RSPO4: variants seen among roughly 807,000 people sequenced by gnomAD.
The protein encoded by RSPO4 is R-spondin 4.
Under a neutral mutation model 24.8 loss-of-function variants are expected in RSPO4, and 23 were observed. That is an observed-to-expected ratio of 0.93 (90% confidence interval 0.67 to 1.31). The LOEUF (loss-of-function observed/expected upper bound fraction) is 1.31. Among genes scored for constraint, RSPO4 ranks in the 40% most tolerant of loss-of-function variants. RSPO4 has a pLI of 0.00. For synonymous variants in RSPO4, 141 were observed against 127.4 expected (o/e 1.11, Z -0.72); for missense variants, 333 against 316.5 (o/e 1.05, Z -0.39).
chr20:1,001,954 C>T, intron 1 of RSPO4, 132 bp downstream of exon 1: 1 of 710,526 alleles, frequency 1.4e-6, no homozygotes, highest in South Asian at 1.6e-5. Context: ...GGTTGAGACT[C>T]GTCTGGAGGA....
chr20:976,379 G>T (rs1016877473), intron 1 of RSPO4, among the ~76,000 whole-genome samples: 5 of 152,270 alleles, frequency 3.3e-5, no homozygotes, highest in African/African-American at 1.2e-4. Flanking sequence ...AAGTGCTCAG[G>T]GCAGAGATAC....
At chr20:991,745 C>A (rs1377575511) in intron 1 of RSPO4, among the ~76,000 whole-genome samples, 1 of 151,148 alleles carries the variant, frequency 6.6e-6, no homozygotes, top group African/African-American at 2.4e-5. Context: ...AATTTAAATA[C>A]ATTAAAATTA....
At chr20:982,535 C>T (rs1984772130) in intron 1 of RSPO4, among the ~76,000 whole-genome samples, 1 of 152,174 alleles carries the variant, frequency 6.6e-6, no homozygotes, top group African/African-American at 2.4e-5. Context: ...GGCTGCTGCT[C>T]CTGTAATAAC....
intron 1 of RSPO4, among the ~76,000 whole-genome samples, chr20:971,702 A>C (rs375414775): frequency 2.2e-4 from 33 of 152,244 alleles, no homozygotes; most frequent in African/African-American, 8.0e-4. Context: ...GTAAATATGC[A>C]TTCAGAGCAG....
At chr20:996,824 G>A (rs1985306334) in intron 1 of RSPO4, among the ~76,000 whole-genome samples, 1 of 150,692 alleles carries the variant, frequency 6.6e-6, no homozygotes, top group African/African-American at 2.5e-5. Context: ...ACTTCCTTCG[G>A]CCACGCAGTC....
chr20:960,423 T>G lies in RSPO4; in HGVS notation c.639A>C (p.Pro213=). ...GQKKGRKDRR[P]RKDRKLDRRL... ...TGCGGTCCAGCTTCCTGTCCTTGCG[T>G]GGGCGCCGGTCCTTCCTGCCCTTCT... The change falls in exon 5 of 5, where the codon CCA becomes CCC. Residue 213 remains proline (P), a synonymous_variant. Coordinates refer to ENST00000217260, the MANE Select transcript of RSPO4 (RefSeq NM_001029871.4). The G allele has an allele frequency of 6.5e-7, 1 of 1,539,714 alleles. No homozygotes were observed. The highest frequency in any genetic ancestry group is 8.7e-7 in the Non-Finnish European group (1 of 1,147,454).
In RSPO4 at chr20:970,441, C is replaced by G. The variant is rs1984372063; in HGVS notation, c.80-2303G>C. Among the ~76,000 whole-genome samples the G allele has an allele frequency of 6.6e-6, 1 of 152,108 alleles. No individual in the cohort carries two copies. Among genetic ancestry groups the G allele is most frequent in the Non-Finnish European group, 1.5e-5 (1 of 68,026 alleles). On this transcript the variant is annotated intron_variant, in intron 1 of 4. Transcript: ENST00000217260. The surrounding 1 kb of genome is among the most constrained non-coding windows in gnomAD (Gnocchi z 4.1). Reference sequence around the variant, plus strand: ...TGATCCAGGGTCGTACGGAAGCACACAGTAACTAAAGTGTACCCTGGGATG... The same window carrying G: ...TGATCCAGGGTCGTACGGAAGCACAGAGTAACTAAAGTGTACCCTGGGATG...
At position 961,209 on chromosome 20, in the gene RSPO4, A is replaced by C. The variant is rs1045499020; in HGVS notation, c.596-743T>G. Reference sequence around the variant, plus strand: ...TGTTATGGACAGGTGAGAAGACCACAGCATGGTTGGGAGCAAGGCCAGCCC... The same window carrying C: ...TGTTATGGACAGGTGAGAAGACCACCGCATGGTTGGGAGCAAGGCCAGCCC... On this transcript the variant is annotated intron_variant, in intron 4 of 4. Coordinates refer to ENST00000217260, the MANE Select transcript of RSPO4 (RefSeq NM_001029871.4). 8.5e-5 allele frequency among the ~76,000 whole-genome samples: 13 copies of C among 152,192 alleles called. 1 individual carries two copies. The highest frequency in any genetic ancestry group is 6.5e-4 in the Admixed American group (10 of 15,286).
At chr20:986,515 A>G (rs751261571) in intron 1 of RSPO4, among the ~76,000 whole-genome samples, 2 of 152,094 alleles carry the variant, frequency 1.3e-5, no homozygotes, top group African/African-American at 2.4e-5. Context: ...ATGGGAAAGG[A>G]GAGCTTCAAA....
intron 1 of RSPO4, among the ~76,000 whole-genome samples, chr20:985,364 C>T (rs1484858113): frequency 6.6e-6 from 1 of 152,172 alleles, no homozygotes; most frequent in Non-Finnish European, 1.5e-5. Context: ...ATCCATTCAG[C>T]AGATATTTCT....
intron 1 of RSPO4, among the ~76,000 whole-genome samples, chr20:992,345 G>C (rs1032628590): frequency 5.5e-5 from 8 of 146,042 alleles, no homozygotes; most frequent in Non-Finnish European, 1.0e-4. Context: ...GGAGTGAACA[G>C]AGACTCAGAG....
chr20:965,078 T>C (rs1201593857), intron 3 of RSPO4, among the ~76,000 whole-genome samples: 1 of 152,084 alleles, frequency 6.6e-6, no homozygotes, highest in African/African-American at 2.4e-5. Context: ...TGCCAGGTGC[T>C]ATTCTGGGTG....
At chr20:998,648 A>G (rs910345848) in intron 1 of RSPO4, among the ~76,000 whole-genome samples, 3 of 152,124 alleles carry the variant, frequency 2.0e-5, no homozygotes, top group Non-Finnish European at 2.9e-5. Flanking sequence ...CTAAGGCCAA[A>G]GACTCAGGCA....
chr20:979,371 T>C (rs1200485884), intron 1 of RSPO4, among the ~76,000 whole-genome samples: 9 of 152,156 alleles, frequency 5.9e-5, no homozygotes. Flanking sequence ...CAAGAGTGAT[T>C]CCTTCTTAGA....
intron 1 of RSPO4, among the ~76,000 whole-genome samples, chr20:982,130 G>C (rs576598208): frequency 1.3e-3 from 202 of 152,298 alleles, no homozygotes; most frequent in African/African-American, 4.8e-3. Flanking sequence ...GCTGGGGGTA[G>C]AGCAGCCAGA....
chr20:974,837 C>T (rs978382013), intron 1 of RSPO4, among the ~76,000 whole-genome samples: 6 of 152,118 alleles, frequency 3.9e-5, no homozygotes, highest in Non-Finnish European at 8.8e-5. Flanking sequence ...GTGGATCCAC[C>T]CTGGGGATCC....
Position 960,010 on chromosome 20 carries a change from G to A in RSPO4, c.*347C>T, listed in dbSNP as rs942864392. On this transcript the variant is annotated 3_prime_UTR_variant, in exon 5 of 5. Transcript: ENST00000217260. The stretch of plus-strand genomic sequence containing the variant: ...ACAGGCTCATGGTCCCTCTTAAAGT[G>A]TGTGTGAGAGGGAGACAAGAGGAGG... 4.0e-5 allele frequency: 15 copies of A among 377,292 alleles called. No homozygotes were observed. Among genetic ancestry groups the A allele is most frequent in the Non-Finnish European group, 1.5e-5 (3 of 203,110 alleles). The allele number at this position is 377,292 out of a possible 1,614,324, so 23.4% of individuals were successfully genotyped here.
chr20:984,161 C>A (rs1413530019), intron 1 of RSPO4, among the ~76,000 whole-genome samples: 3 of 151,960 alleles, frequency 2.0e-5, no homozygotes, highest in African/African-American at 4.8e-5. Context: ...GACGGTGAAA[C>A]CCCGTCTCTA....
Position 1,002,070 on chromosome 20 carries a change from CA to C in RSPO4, c.79+15del, listed in dbSNP as rs773757756. Reference sequence around the variant, plus strand: ...GCAGCGCCTGCCCGGCCGCCCTGCCCAGCCACCCCTTGTACCTTGCTTCTTC... The same window carrying C: ...GCAGCGCCTGCCCGGCCGCCCTGCCCGCCACCCCTTGTACCTTGCTTCTTC... On this transcript the variant is annotated intron_variant, in intron 1 of 4. Transcript: ENST00000217260. This position sits in a 1 kb window ranked among gnomAD's most constrained non-coding sequence, Gnocchi z 4.6. The C allele has an allele frequency of 5.1e-5, 79 of 1,548,672 alleles. No homozygotes were observed. The highest frequency in any genetic ancestry group is 9.8e-5 in the Admixed American group (5 of 51,270).
Sources: gnomAD v4.1 joint callset for allele counts (sites outside exome capture counted in the v4.1 genomes callset) on GRCh38, gnomAD v4.1.1 for gene constraint, Gnocchi (gnomAD v3.1) non-coding constraint, MANE v1.5 for transcripts, NCBI Gene and HGNC (gene_info 2026-07-23, HGNC 2026-07-21) for gene names.